Variants in DIP2B observed in about 807,000 individuals in gnomAD.
DIP2B encodes the protein disco-interacting protein 2 homolog B.
DIP2B carries 76 observed loss-of-function variants against 198.0 expected under a neutral mutation model. The observed-to-expected ratio is 0.38, with a 90% CI of 0.32 to 0.46. The LOEUF (loss-of-function observed/expected upper bound fraction) is 0.46, where lower values mean the gene tolerates loss of function less well. Among genes scored for constraint, DIP2B ranks in the 20% least tolerant of loss-of-function variants. The probability of loss-of-function intolerance (pLI) is 0.99; values close to 1 mark genes in which losing one functional copy is unlikely to be tolerated. For synonymous variants in DIP2B, 701 were observed against 739.1 expected (o/e 0.95, Z 0.84); for missense variants, 1,559 against 1,978.4 (o/e 0.79, Z 4.02).
intron 2 of DIP2B, among the ~76,000 whole-genome samples, chr12:50,626,512 T>C (rs1937938163): frequency 6.6e-6 from 1 of 152,186 alleles, no homozygotes. Flanking sequence ...ATAGAGAGAC[T>C]AGCACATTGT....
intron 36 of DIP2B, among the ~76,000 whole-genome samples, 200 bp downstream of exon 36, chr12:50,739,786 A>G (rs535514290): frequency 7.9e-5 from 12 of 152,322 alleles, no homozygotes; most frequent in Admixed American, 7.2e-4. Context: ...CGCTTGGGGC[A>G]AGCCCAGGAG....
chr12:50,687,541 A>C (rs1164480056), intron 12 of DIP2B, among the ~76,000 whole-genome samples: 1 of 152,196 alleles, frequency 6.6e-6, no homozygotes, highest in African/African-American at 2.4e-5. Flanking sequence ...AAAATTTTGG[A>C]TATAGAAAAG....
At chr12:50,659,118 T>G (rs867702992) in intron 3 of DIP2B, among the ~76,000 whole-genome samples, 1 of 152,122 alleles carries the variant, frequency 6.6e-6, no homozygotes. Flanking sequence ...ATAGGCTACC[T>G]TAAATAGCTG....
At chr12:50,550,411 G>T (rs1035499005) in intron 1 of DIP2B, among the ~76,000 whole-genome samples, 5 of 151,930 alleles carry the variant, frequency 3.3e-5, no homozygotes, top group Non-Finnish European at 7.4e-5. Flanking sequence ...ATGAATGTTT[G>T]AGAGGCACCC....
At chr12:50,678,535 C>G (rs1938986207) in intron 7 of DIP2B, 144 bp from the exon 8 acceptor site, 2 of 852,638 alleles carry the variant, frequency 2.3e-6, no homozygotes, top group Admixed American at 6.2e-5. Context: ...TTGTGGACCA[C>G]CATTTCTAAC....
At chr12:50,673,138 T>C (rs1938883563) in intron 5 of DIP2B, among the ~76,000 whole-genome samples, 1 of 152,226 alleles carries the variant, frequency 6.6e-6, no homozygotes, top group Admixed American at 6.5e-5. Flanking sequence ...TTAATGCTTT[T>C]TGTTACCACA....
intron 22 of DIP2B, among the ~76,000 whole-genome samples, chr12:50,712,826 T>G (rs1939643213): frequency 6.6e-6 from 1 of 152,136 alleles, no homozygotes; most frequent in African/African-American, 2.4e-5. Flanking sequence ...GAGAATTGCT[T>G]GAACCCAGGA....
At position 50,697,150 on chromosome 12, in the gene DIP2B, G is replaced by A; in HGVS notation, c.2023G>A (p.Glu675Lys). The change falls in exon 17 of 38, where the codon GAA becomes AAA. Residue 675 changes from glutamate (E) to lysine (K), a missense_variant. By Grantham distance (56) the Glu-to-Lys change is moderately conservative. Transcript: ENST00000301180. ...CATCTGTCCGTGCGCCACGTCTGCT[G>A]AAGCCATGACTGTAGCAATCCGCAG... ...EAICPCATSA[E>K]AMTVAIRRPG... The A allele has an allele frequency of 6.2e-7, 1 of 1,614,074 alleles. No homozygotes were observed. Among genetic ancestry groups the A allele is most frequent in the African/African-American group, 1.3e-5 (1 of 75,036 alleles).
At chr12:50,520,332 G>A (rs955628090) in intron 1 of DIP2B, among the ~76,000 whole-genome samples, 12 of 151,986 alleles carry the variant, frequency 7.9e-5, no homozygotes, top group South Asian at 2.1e-4. Context: ...CACCGTACCC[G>A]GCCTGAATCT....
At position 50,724,810 on chromosome 12, in the gene DIP2B, C is replaced by T; in HGVS notation, c.3324C>T (p.Thr1108=). ...SKAACILTSQ[T]LMRLLRSREA... is the part of the protein sequence containing the mutation. ...CAGCCTGTATTCTCACCAGTCAGAC[C>T]CTAATGAGGCTACTGAGGTCCCGAG... The change falls in exon 28 of 38, where the codon ACC becomes ACT. Residue 1108 remains threonine (T), a synonymous_variant. Transcript: ENST00000301180. The T allele has an allele frequency of 1.2e-6, 2 of 1,614,088 alleles. No homozygotes were observed. The highest frequency in any genetic ancestry group is 1.7e-6 in the Non-Finnish European group (2 of 1,180,010).
In DIP2B at chr12:50,744,798, G is replaced by A. The variant is rs1308221679; in HGVS notation, c.4690G>A (p.Ala1564Thr). ...QRMHLRDSFL[A>T]DQLDPIYVAY... is the part of the protein sequence containing the mutation. ...GATGCACCTCCGTGATAGCTTCCTA[G>A]CTGACCAGTTAGACCCCATCTACGT... Residue 1564 changes from alanine (A) to threonine (T), a missense_variant, in exon 38 of 38, where the codon GCT (alanine) becomes ACT (threonine). Transcript: ENST00000301180. 9 of 1,614,036 alleles carry A rather than the reference G, an allele frequency of 5.6e-6. No individual in the cohort carries two copies. Among genetic ancestry groups the A allele is most frequent in the Non-Finnish European group, 6.8e-6 (8 of 1,180,034 alleles).
intron 21 of DIP2B, among the ~76,000 whole-genome samples, chr12:50,706,880 A>C (rs565683934): frequency 6.6e-6 from 1 of 152,158 alleles, no homozygotes; most frequent in Non-Finnish European, 1.5e-5. Context: ...AGCTGTAACT[A>C]AGAGGATTAA....
At chr12:50,631,447 G>A (rs184100916) in intron 2 of DIP2B, among the ~76,000 whole-genome samples, 8 of 151,974 alleles carry the variant, frequency 5.3e-5, no homozygotes, top group East Asian at 1.9e-4. Flanking sequence ...GGATGGTCTC[G>A]ATCTCTTGAC....
chr12:50,676,437 T>C (rs2700476), intron 7 of DIP2B, among the ~76,000 whole-genome samples: 145,766 of 152,296 alleles, frequency 0.96, 70,092 homozygotes, highest in East Asian at 1. Context: ...GTATCTGTTT[T>C]TTTAGGAATC....
chr12:50,709,628 ACT>A (rs1939577050), intron 22 of DIP2B, among the ~76,000 whole-genome samples: 1 of 144,466 alleles, frequency 6.9e-6, no homozygotes, highest in South Asian at 2.2e-4. Flanking sequence ...ACAGAGCAAG[ACT>A]CTGTCTCAAA....
chr12:50,716,958 C>CT lies in DIP2B; in HGVS notation c.2852-1728dup, dbSNP rs4026694. On this transcript the variant is annotated intron_variant, in intron 23 of 37. Transcript: ENST00000301180. ...CCTATCCTAGATTTACGAATTGTTG[C>CT]TTTTTTTTTTTTTTTTTTTTTTTGA... Among the ~76,000 whole-genome samples, 104 of 58,922 alleles carry CT rather than the reference C, an allele frequency of 1.8e-3. 15 individuals carry two copies. The highest frequency in any genetic ancestry group is 5.0e-3 in the African/African-American group (81 of 16,228). 38.7% of individuals were successfully genotyped at this position (58,922 alleles called of 152,430 possible).
chr12:50,724,743 C>A, intron 27 of DIP2B, 32 bp from the exon 28 acceptor site: 1 of 1,605,058 alleles, frequency 6.2e-7, no homozygotes, highest in African/African-American at 1.3e-5. Flanking sequence ...GCTGAGCCTC[C>A]TGATGCTTAT....
chr12:50,647,784 G>A (rs1938376083), intron 3 of DIP2B, among the ~76,000 whole-genome samples: 1 of 152,166 alleles, frequency 6.6e-6, no homozygotes, highest in African/African-American at 2.4e-5. Flanking sequence ...GCCACTCATG[G>A]ATCATATGCT....
intron 1 of DIP2B, among the ~76,000 whole-genome samples, chr12:50,526,460 T>G (rs2139358334): frequency 6.6e-6 from 1 of 152,312 alleles, no homozygotes; most frequent in Middle Eastern, 3.4e-3. Flanking sequence ...CTTATCCAAT[T>G]CATTTGGTAT....
Sources: allele counts gnomAD v4.1 joint callset (sites outside exome capture counted in the v4.1 genomes callset), GRCh38; gene constraint gnomAD v4.1.1; transcripts MANE v1.5; gene names NCBI Gene and HGNC (gene_info 2026-07-23, HGNC 2026-07-21).